Variants in HYCC1 observed in about 807,000 individuals in gnomAD.
The protein encoded by HYCC1 is hyccin PI4KA lipid kinase complex subunit 1.
chr7:22,960,798 C>T, the HYCC1 span, among the ~76,000 whole-genome samples: 1 of 152,210 alleles, frequency 6.6e-6, no homozygotes, highest in African/African-American at 2.4e-5. Context: ...GCCTGTAATC[C>T]CAGCACTTTG....
At chr7:22,996,507 G>A in the HYCC1 span, among the ~76,000 whole-genome samples, 1 of 142,362 alleles carries the variant, frequency 7.0e-6, no homozygotes, top group Non-Finnish European at 1.5e-5. Context: ...TGTAGGATAA[G>A]TATTTAAAGA....
chr7:22,965,087 T>A, the HYCC1 span, among the ~76,000 whole-genome samples: 1 of 146,156 alleles, frequency 6.8e-6, no homozygotes, highest in East Asian at 2.0e-4. Context: ...TAAGCCAAGA[T>A]CGAGCCACTG....
At chr7:22,965,472 T>C in the HYCC1 span, among the ~76,000 whole-genome samples, 4 of 146,980 alleles carry the variant, frequency 2.7e-5, no homozygotes, top group African/African-American at 1.0e-4. Flanking sequence ...ATAAACAAAA[T>C]GACATGTAAA....
At chr7:22,958,204 G>A in the HYCC1 span, among the ~76,000 whole-genome samples, 8 of 152,058 alleles carry the variant, frequency 5.3e-5, no homozygotes, top group East Asian at 1.4e-3. Context: ...AAATTCAGCC[G>A]AACATGGTAA....
At chr7:22,975,270 A>G in the HYCC1 span, among the ~76,000 whole-genome samples, 1 of 152,192 alleles carries the variant, frequency 6.6e-6, no homozygotes. Context: ...GAAAATCACA[A>G]AAAAAATCAC....
the HYCC1 span, among the ~76,000 whole-genome samples, chr7:22,932,859 G>A: frequency 6.6e-6 from 1 of 152,130 alleles, no homozygotes; most frequent in African/African-American, 2.4e-5. Context: ...TAGAATCTTT[G>A]CAGATGTAGT....
chr7:22,914,787 G>A, the HYCC1 span, among the ~76,000 whole-genome samples: 1 of 151,854 alleles, frequency 6.6e-6, no homozygotes, highest in Non-Finnish European at 1.5e-5. Flanking sequence ...TCCCCAGTCT[G>A]CTCCTCATGA....
chr7:22,950,435 C>G, the HYCC1 span, among the ~76,000 whole-genome samples: 1 of 151,914 alleles, frequency 6.6e-6, no homozygotes, highest in Non-Finnish European at 1.5e-5. Flanking sequence ...ATAGTAGACA[C>G]TCAATACATC....
chr7:22,964,802 C>T, the HYCC1 span, among the ~76,000 whole-genome samples: 1 of 152,118 alleles, frequency 6.6e-6, no homozygotes, highest in African/African-American at 2.4e-5. Context: ...GGTCAATTAA[C>T]TACCAATAAT....
the HYCC1 span, chr7:22,978,168 T>C: frequency 7.3e-6 from 8 of 1,097,166 alleles, 1 homozygote; most frequent in Middle Eastern, 2.2e-4. Flanking sequence ...ATTTGGTGTA[T>C]GAAAAAACAA....
chr7:22,991,115 T>C, the HYCC1 span: 2 of 1,609,684 alleles, frequency 1.2e-6, no homozygotes, highest in South Asian at 1.1e-5. Flanking sequence ...TAAACATTTT[T>C]CCACATCTGT....
chr7:22,980,272 A>AT, the HYCC1 span, among the ~76,000 whole-genome samples: 2 of 121,794 alleles, frequency 1.6e-5, no homozygotes, highest in African/African-American at 3.4e-5. Flanking sequence ...GCATTTTTTA[A>AT]TGTTTTTTTT....
chr7:22,964,985 T>C, the HYCC1 span, among the ~76,000 whole-genome samples: 3 of 151,824 alleles, frequency 2.0e-5, no homozygotes, highest in African/African-American at 7.3e-5. Flanking sequence ...AATACAAAAA[T>C]TAGCTGGGTA....
At chr7:22,995,333 C>T in the HYCC1 span, among the ~76,000 whole-genome samples, 1 of 152,246 alleles carries the variant, frequency 6.6e-6, no homozygotes, top group East Asian at 1.9e-4. Context: ...TTTCAAACAA[C>T]TCCTGCTTAA....
At chr7:22,926,613 A>C in the HYCC1 span, among the ~76,000 whole-genome samples, 1 of 152,190 alleles carries the variant, frequency 6.6e-6, no homozygotes, top group Admixed American at 6.5e-5. Context: ...TAAAGGGATC[A>C]ATTCAACAAG....
chr7:22,968,531 T>G, the HYCC1 span, among the ~76,000 whole-genome samples: 1 of 152,198 alleles, frequency 6.6e-6, no homozygotes, highest in South Asian at 2.1e-4. Flanking sequence ...TTATCTGTGT[T>G]AATACAACCA....
At chr7:22,924,459 C>T in the HYCC1 span, among the ~76,000 whole-genome samples, 1 of 152,280 alleles carries the variant, frequency 6.6e-6, no homozygotes, top group East Asian at 1.9e-4. Context: ...CAGACGGTAC[C>T]TGGAAAATCG....
At chr7:22,906,486 G>A in the HYCC1 span, among the ~76,000 whole-genome samples, 3 of 151,590 alleles carry the variant, frequency 2.0e-5, no homozygotes, top group Non-Finnish European at 4.4e-5. Flanking sequence ...GCTGAGGCAC[G>A]AGAATCACTT....
At chr7:22,940,818 G>GC in the HYCC1 span, 1 of 144,014 alleles carries the variant, frequency 6.9e-6, no homozygotes, top group East Asian at 2.0e-4. Context: ...TTCTTCTTTT[G>GC]CTTTTTTTTT....
Sources: allele counts gnomAD v4.1 joint callset (sites outside exome capture counted in the v4.1 genomes callset), GRCh38; gene constraint gnomAD v4.1.1; transcripts MANE v1.5; gene names NCBI Gene and HGNC (gene_info 2026-07-23, HGNC 2026-07-21).